The following HS6ST3 variants were observed in gnomAD, a reference collection of about 807,000 sequenced individuals.
HS6ST3 encodes heparan-sulfate 6-O-sulfotransferase 3.
Under a neutral mutation model 36.7 loss-of-function variants are expected in HS6ST3, and 12 were observed. The observed-to-expected ratio is 0.33, with a 90% CI of 0.21 to 0.53. The LOEUF is 0.53. Ranked by LOEUF, HS6ST3 falls within the 20% of genes least tolerant of loss-of-function variation. HS6ST3 has a pLI of 0.95. For synonymous variants in HS6ST3, 240 were observed against 257.5 expected, an observed-to-expected ratio of 0.93 and a Z score of 0.65; for missense variants, 584 against 640.9, an observed-to-expected ratio of 0.91 and a Z score of 0.96.
intron 1 of HS6ST3, among the ~76,000 whole-genome samples, chr13:96,684,684 C>A (rs576209482): frequency 8.3e-4 from 126 of 152,042 alleles, no homozygotes; most frequent in Non-Finnish European, 1.5e-3. Flanking sequence ...CACTTAATAT[C>A]CTTTCACACT....
At chr13:96,720,114 A>G (rs187653715) in intron 1 of HS6ST3, among the ~76,000 whole-genome samples, 11 of 152,262 alleles carry the variant, frequency 7.2e-5, no homozygotes, top group Non-Finnish European at 1.3e-4. Flanking sequence ...TAGACACTGA[A>G]GACAGTAATT....
At chr13:96,214,734 G>GGGAA (rs2054415721) in intron 1 of HS6ST3, among the ~76,000 whole-genome samples, 1 of 152,006 alleles carries the variant, frequency 6.6e-6, no homozygotes, top group South Asian at 2.1e-4. Flanking sequence ...TAGCATAAAT[G>GGGAA]GGAAACCTGT....
In HS6ST3 at chr13:96,456,236, C is replaced by T. The variant is rs180931137; in HGVS notation, c.707+364667C>T. Among the ~76,000 whole-genome samples, 37 of 152,238 alleles carry T rather than the reference C, an allele frequency of 2.4e-4. No individual in the cohort carries two copies. In the East Asian group the frequency reaches 6.2e-3, roughly 25 times the overall value. On this transcript the variant is annotated intron_variant, in intron 1 of 1. Transcript: ENST00000376705. Reference sequence around the variant, plus strand: ...TTGTTATAATTACTGATGTGTAATACTCAAGAAAACTAGATTGATCTAGCT... The same window carrying T: ...TTGTTATAATTACTGATGTGTAATATTCAAGAAAACTAGATTGATCTAGCT...
At chr13:96,679,206 C>CA (rs1347784604) in intron 1 of HS6ST3, among the ~76,000 whole-genome samples, 3 of 150,500 alleles carry the variant, frequency 2.0e-5, no homozygotes, top group Non-Finnish European at 4.4e-5. Flanking sequence ...TGGGTAGGGC[C>CA]AATGCTTATC....
chr13:96,201,206 A>G (rs1407173076), intron 1 of HS6ST3, among the ~76,000 whole-genome samples: 9 of 152,138 alleles, frequency 5.9e-5, no homozygotes, highest in Admixed American at 4.6e-4. Flanking sequence ...GCCTGATTTA[A>G]GTGGTGAAAT....
chr13:96,253,283 A>T (rs1410375135), intron 1 of HS6ST3, among the ~76,000 whole-genome samples: 1 of 150,952 alleles, frequency 6.6e-6, no homozygotes, highest in African/African-American at 2.4e-5. Context: ...CGCTGTGCTG[A>T]CTCCTTCAGT....
rs67979751 is a variant in HS6ST3, at chr13:96,614,297, C to CAAA, written c.708-218164_708-218162dup. On this transcript the variant is annotated intron_variant, in intron 1 of 1. Transcript: ENST00000376705. ...TGGGCAACAGAGCAAGGATCCATCT[C>CAAA]AAAAAAAAAAAAAAAAAAAAAAAAA... Among the ~76,000 whole-genome samples the CAAA allele has an allele frequency of 6.0e-3, 264 of 43,986 alleles. 32 individuals carry two copies. Among genetic ancestry groups the CAAA allele is most frequent in the African/African-American group, 0.013 (140 of 10,762 alleles). 28.9% of individuals were successfully genotyped at this position (43,986 alleles called of 152,430 possible). A position where few individuals can be genotyped will look rare whatever the true frequency, so the allele number is the denominator to read the frequency against.
At chr13:96,137,548 C>T (rs961833848) in intron 1 of HS6ST3, among the ~76,000 whole-genome samples, 1 of 151,994 alleles carries the variant, frequency 6.6e-6, no homozygotes, top group Admixed American at 6.6e-5. Context: ...CTTATCCTGC[C>T]TCAGCTTCCC....
At chr13:96,128,854 CT>C (rs1248071699) in intron 1 of HS6ST3, among the ~76,000 whole-genome samples, 177 of 140,612 alleles carry the variant, frequency 1.3e-3, no homozygotes, top group Non-Finnish European at 1.0e-3. Flanking sequence ...TTCCCCTGTG[CT>C]TTTTTTTTTT....
intron 1 of HS6ST3, among the ~76,000 whole-genome samples, chr13:96,742,425 C>T (rs1876463497): frequency 6.6e-6 from 1 of 151,944 alleles, no homozygotes; most frequent in Non-Finnish European, 1.5e-5. Context: ...CTAAGTGATA[C>T]ACATGAAATG....
At chr13:96,141,974 A>G (rs2054034029) in intron 1 of HS6ST3, among the ~76,000 whole-genome samples, 1 of 150,602 alleles carries the variant, frequency 6.6e-6, no homozygotes, top group Admixed American at 6.7e-5. Flanking sequence ...GATATGCATG[A>G]CTTTGCCAGA....
At chr13:96,192,487 T>A (rs1032871270) in intron 1 of HS6ST3, among the ~76,000 whole-genome samples, 3 of 152,120 alleles carry the variant, frequency 2.0e-5, no homozygotes, top group Non-Finnish European at 4.4e-5. Context: ...ATTATTTCCA[T>A]CTTTGTGTCC....
intron 1 of HS6ST3, among the ~76,000 whole-genome samples, chr13:96,330,533 G>A (rs1334404928): frequency 6.6e-6 from 1 of 152,008 alleles, no homozygotes; most frequent in African/African-American, 2.4e-5. Context: ...TGGCTTGTAG[G>A]GTTTCTGCTG....
chr13:96,555,802 T>C (rs982360648), intron 1 of HS6ST3, among the ~76,000 whole-genome samples: 4 of 149,704 alleles, frequency 2.7e-5, no homozygotes, highest in Admixed American at 2.6e-4. Flanking sequence ...TTTAAACAGA[T>C]GGTTCTTAAA....
At position 96,091,429 on chromosome 13, in the gene HS6ST3, T is replaced by G. The variant is rs1327973757; in HGVS notation, c.567T>G (p.Pro189=). The change falls in exon 1 of 2, where the codon CCT becomes CCG. Residue 189 remains proline (P), a synonymous_variant. Coordinates refer to ENST00000376705, the MANE Select transcript of HS6ST3 (RefSeq NM_153456.4). ...AGAAGAAGTGCACCTGCCACCGGCC[T>G]GGCAAGAAGGAGACGTGGCTCTTCT... The part of the protein sequence containing the change: ...AGQKKCTCHR[P]GKKETWLFSR... 1 of 1,612,586 alleles carries G rather than the reference T, an allele frequency of 6.2e-7. No individual in the cohort carries two copies. The highest frequency in any genetic ancestry group is 1.7e-5 in the Admixed American group (1 of 59,910).
At chr13:96,348,421 G>A (rs2055166248) in intron 1 of HS6ST3, among the ~76,000 whole-genome samples, 1 of 152,162 alleles carries the variant, frequency 6.6e-6, no homozygotes, top group Non-Finnish European at 1.5e-5. Flanking sequence ...GTGCCTCAAA[G>A]TACTTCAGTG....
At chr13:96,220,153 G>C (rs532808919) in intron 1 of HS6ST3, among the ~76,000 whole-genome samples, 13 of 152,294 alleles carry the variant, frequency 8.5e-5, no homozygotes, top group Admixed American at 3.9e-4. Flanking sequence ...TTATAAGATG[G>C]TGAACACAGT....
At chr13:96,565,881 A>G (rs1029956764) in intron 1 of HS6ST3, among the ~76,000 whole-genome samples, 1 of 152,184 alleles carries the variant, frequency 6.6e-6, no homozygotes, top group African/African-American at 2.4e-5. Flanking sequence ...GACATCTGAG[A>G]AGAGCATCCT....
At chr13:96,771,430 T>G (rs985428096) in intron 1 of HS6ST3, among the ~76,000 whole-genome samples, 1 of 151,832 alleles carries the variant, frequency 6.6e-6, no homozygotes, top group Non-Finnish European at 1.5e-5. Flanking sequence ...TTAAAAAAAA[T>G]TAAAAAGTAA....
Sources: allele counts gnomAD v4.1 joint callset (sites outside exome capture counted in the v4.1 genomes callset), GRCh38; gene constraint gnomAD v4.1.1; transcripts MANE v1.5; gene names NCBI Gene and HGNC (gene_info 2026-07-23, HGNC 2026-07-21).